TMEM117: variants seen among roughly 807,000 people sequenced by gnomAD.
TMEM117 encodes the protein transmembrane protein 117.
Under a neutral mutation model 52.4 loss-of-function variants are expected in TMEM117, and 27 were observed. That is an observed-to-expected ratio of 0.51 (90% CI 0.38 to 0.71). The LOEUF is 0.71. Among genes scored for constraint, TMEM117 ranks in the 30% least tolerant of loss-of-function variants. TMEM117 has a pLI of 0.00. For missense variants in TMEM117, 556 were observed against 630.5 expected (o/e 0.88, Z 1.26); for synonymous variants, 215 against 206.3 (o/e 1.04, Z -0.36).
At chr12:43,814,137 C>T in the TMEM117 span, among the ~76,000 whole-genome samples, 6 of 152,032 alleles carry the variant, frequency 3.9e-5, no homozygotes, top group African/African-American at 1.4e-4. Context: ...TAAAAAAATA[C>T]AACTCTAAGT....
intron 2 of TMEM117, among the ~76,000 whole-genome samples, chr12:43,932,812 A>G (rs568065064): frequency 2.6e-5 from 4 of 152,378 alleles, no homozygotes; most frequent in South Asian, 4.1e-4. Context: ...GGTAGAGACA[A>G]TAGCACATTT....
At chr12:43,915,692 AAAAG>A (rs1290227565) in intron 2 of TMEM117, among the ~76,000 whole-genome samples, 1 of 152,128 alleles carries the variant, frequency 6.6e-6, no homozygotes, top group Non-Finnish European at 1.5e-5. Flanking sequence ...TCTATTATTA[AAAAG>A]AAAGAGGAAG....
intron 3 of TMEM117, among the ~76,000 whole-genome samples, chr12:44,131,532 A>G (rs1329761539): frequency 2.0e-5 from 3 of 152,080 alleles, no homozygotes; most frequent in Non-Finnish European, 2.9e-5. Context: ...AATCCTTTAT[A>G]TCCTTACTAG....
chr12:44,054,892 C>T (rs564039564), intron 3 of TMEM117, among the ~76,000 whole-genome samples: 2 of 152,102 alleles, frequency 1.3e-5, no homozygotes, highest in African/African-American at 4.8e-5. Flanking sequence ...CCCTCCCCAC[C>T]TTCCCCACCC....
At chr12:43,874,328 C>T (rs1943755791) in intron 2 of TMEM117, among the ~76,000 whole-genome samples, 1 of 152,176 alleles carries the variant, frequency 6.6e-6, no homozygotes, top group Admixed American at 6.5e-5. Flanking sequence ...TGCCTGTTAG[C>T]CCAGCACTTT....
intron 2 of TMEM117, among the ~76,000 whole-genome samples, chr12:43,882,460 C>CAAAAAA (rs57833998): frequency 8.5e-6 from 1 of 117,218 alleles, no homozygotes; most frequent in African/African-American, 3.5e-5. Flanking sequence ...AACTTCATCT[C>CAAAAAA]AAAAAAAAAA....
At chr12:44,245,138 GTTCTTT>G (rs1406629894) in intron 5 of TMEM117, among the ~76,000 whole-genome samples, 1 of 151,884 alleles carries the variant, frequency 6.6e-6, no homozygotes. Flanking sequence ...CTCTAGCTTT[GTTCTTT>G]TGGATCAAGA....
intron 3 of TMEM117, among the ~76,000 whole-genome samples, chr12:44,001,725 C>T (rs73087623): frequency 0.057 from 8,646 of 151,430 alleles, 498 homozygotes; most frequent in African/African-American, 0.15. Flanking sequence ...CAGGGCAAGG[C>T]GAAGTAAGGC....
rs923033971 is a variant in TMEM117, at chr12:44,191,406, TTATC to T, written c.511-19876_511-19873del. On this transcript the variant is annotated intron_variant, in intron 4 of 7. Transcript: ENST00000266534. The stretch of plus-strand genomic sequence containing the variant: ...GTCTGTCTATCTATGTATCAATCAT[TTATC>T]TATCTATAAACTATATACATATAGC... 4.1e-4 allele frequency among the ~76,000 whole-genome samples: 63 copies of T among 152,092 alleles called. 1 individual carries two copies. The highest frequency in any genetic ancestry group is 5.2e-4 in the Admixed American group (8 of 15,260).
chr12:43,834,961 C>T (rs1463445357), upstream of TMEM117, among the ~76,000 whole-genome samples: 2 of 152,200 alleles, frequency 1.3e-5, no homozygotes, highest in Non-Finnish European at 2.9e-5. Flanking sequence ...TCCCTCTTGC[C>T]ATCCACCCAT....
chr12:43,897,743 AC>A (rs1332268750), intron 2 of TMEM117, among the ~76,000 whole-genome samples: 2 of 150,650 alleles, frequency 1.3e-5, no homozygotes, highest in Non-Finnish European at 2.9e-5. Flanking sequence ...GGGTAGCTGG[AC>A]CACAGGCGCG....
the TMEM117 span, chr12:43,799,588 C>A: frequency 1.6e-6 from 1 of 623,212 alleles, no homozygotes; most frequent in Non-Finnish European, 2.6e-6. Flanking sequence ...AAATCATTAA[C>A]AGAAAAGATT....
the TMEM117 span, among the ~76,000 whole-genome samples, chr12:43,830,243 C>T: frequency 6.6e-6 from 1 of 152,130 alleles, no homozygotes; most frequent in East Asian, 1.9e-4. Flanking sequence ...GACCACCCCA[C>T]CACGCAAGTA....
intron 3 of TMEM117, among the ~76,000 whole-genome samples, chr12:43,971,997 A>C (rs1002891421): frequency 5.9e-5 from 9 of 152,202 alleles, no homozygotes; most frequent in African/African-American, 1.9e-4. Context: ...AGTGGAATCA[A>C]GTTTTTTTAT....
At chr12:43,800,517 A>G in the TMEM117 span, 2 of 1,613,332 alleles carry the variant, frequency 1.2e-6, no homozygotes, top group African/African-American at 1.3e-5. Context: ...TGCATACAAC[A>G]TTTTTTGACG....
intron 5 of TMEM117, among the ~76,000 whole-genome samples, chr12:44,295,618 T>A (rs778608964): frequency 2.0e-5 from 3 of 152,150 alleles, no homozygotes; most frequent in Non-Finnish European, 2.9e-5. Flanking sequence ...AAATATGATA[T>A]TGTAGCTCTC....
At chr12:44,377,977 G>C (rs1951965645) in intron 7 of TMEM117, among the ~76,000 whole-genome samples, 1 of 152,112 alleles carries the variant, frequency 6.6e-6, no homozygotes. Context: ...TAAATTCACT[G>C]GGTAAATCAA....
At chr12:44,229,073 A>G (rs1949901209) in intron 5 of TMEM117, among the ~76,000 whole-genome samples, 1 of 152,048 alleles carries the variant, frequency 6.6e-6, no homozygotes, top group Admixed American at 6.6e-5. Context: ...GAAAATAGAC[A>G]TGAGGAGGAA....
At chr12:43,992,417 G>A (rs1945958447) in intron 3 of TMEM117, among the ~76,000 whole-genome samples, 1 of 151,906 alleles carries the variant, frequency 6.6e-6, no homozygotes, top group East Asian at 2.0e-4. Flanking sequence ...ACAGGTGCAT[G>A]CCATCCTGCC....
Sources: gnomAD v4.1 joint callset for allele counts (sites outside exome capture counted in the v4.1 genomes callset) on GRCh38, gnomAD v4.1.1 for gene constraint, MANE v1.5 for transcripts, NCBI Gene and HGNC (gene_info 2026-07-23, HGNC 2026-07-21) for gene names.